Variants in MCTP1 observed in about 807,000 individuals in gnomAD.
MCTP1 encodes multiple C2 and transmembrane domain containing 1, also known as multiple C2 and transmembrane domain-containing protein 1.
In MCTP1, 69 loss-of-function variants were observed where a neutral mutation model predicts 120.6. That is an observed-to-expected ratio of 0.57 (90% confidence interval 0.47 to 0.70). The LOEUF is 0.70. Ranked by LOEUF, MCTP1 falls within the 30% of genes least tolerant of loss-of-function variation. The pLI is 0.00. For synonymous variants in MCTP1, 529 were observed against 493.1 expected, an observed-to-expected ratio of 1.07 and a Z score of -0.96; for missense variants, 1,203 against 1,248.8, an observed-to-expected ratio of 0.96 and a Z score of 0.55.
At chr5:94,763,107 T>C (rs1771716354) in intron 19 of MCTP1, among the ~76,000 whole-genome samples, 1 of 152,242 alleles carries the variant, frequency 6.6e-6, no homozygotes, top group Non-Finnish European at 1.5e-5. Flanking sequence ...TCATTTTTAC[T>C]GTTAAGTTAA....
chr5:95,154,452 A>G (rs1438526953), intron 1 of MCTP1, among the ~76,000 whole-genome samples: 1 of 152,230 alleles, frequency 6.6e-6, no homozygotes, highest in East Asian at 1.9e-4. Flanking sequence ...GAATAGAATG[A>G]GATGAACTAT....
At chr5:95,161,372 T>TA (rs200435659) in intron 1 of MCTP1, among the ~76,000 whole-genome samples, 1,777 of 152,160 alleles carry the variant, frequency 0.012, 30 homozygotes, top group African/African-American at 0.04. Context: ...ATCTCACTCA[T>TA]ACGTAGAATT....
chr5:95,226,219 C>A (rs1754246794), intron 1 of MCTP1, among the ~76,000 whole-genome samples: 1 of 152,002 alleles, frequency 6.6e-6, no homozygotes, highest in Non-Finnish European at 1.5e-5. Context: ...ATAATCTGGA[C>A]CCAAGGATAT....
chr5:95,203,287 C>T (rs1344249186), intron 1 of MCTP1, among the ~76,000 whole-genome samples: 2 of 152,142 alleles, frequency 1.3e-5, no homozygotes, highest in Admixed American at 1.3e-4. Flanking sequence ...TTTTCCATTC[C>T]TGTGCTATGT....
rs1201772992 is a variant in MCTP1, at chr5:95,061,419, T to G, written c.721-43935A>C. Among the ~76,000 whole-genome samples, 47 of 19,058 alleles carry G rather than the reference T, an allele frequency of 2.5e-3. 9 individuals carry two copies. The highest frequency in any genetic ancestry group is 2.6e-3 in the Admixed American group (3 of 1,150). The allele number at this position is 19,058 out of a possible 152,430, so 12.5% of individuals were successfully genotyped here. A position where few individuals can be genotyped will look rare whatever the true frequency, so the allele number is the denominator to read the frequency against. ...CAAACCCCTTAAGGGTTTTTTTTTT[T>G]TTTTTTTTTTTTTTTTTTTTTTTTT... On this transcript the variant is annotated intron_variant, in intron 1 of 22. Coordinates refer to ENST00000515393, the MANE Select transcript of MCTP1 (RefSeq NM_024717.7).
intron 1 of MCTP1, among the ~76,000 whole-genome samples, chr5:95,127,293 T>TG (rs1476494586): frequency 1.3e-5 from 2 of 152,020 alleles, no homozygotes; most frequent in African/African-American, 2.4e-5. Context: ...ACCAGTATTT[T>TG]GGGGGTATAT....
intron 2 of MCTP1, among the ~76,000 whole-genome samples, chr5:94,954,812 G>A (rs1822144491): frequency 6.6e-6 from 1 of 152,148 alleles, no homozygotes; most frequent in Admixed American, 6.5e-5. Flanking sequence ...TTGCTCAGAA[G>A]TTTCAATTTT....
At chr5:95,190,573 C>T (rs1440393718) in intron 1 of MCTP1, among the ~76,000 whole-genome samples, 2 of 151,934 alleles carry the variant, frequency 1.3e-5, no homozygotes, top group Non-Finnish European at 2.9e-5. Flanking sequence ...CAATCTGGAA[C>T]CCAGGAAAGA....
chr5:95,158,848 G>T (rs1745411952), intron 1 of MCTP1, among the ~76,000 whole-genome samples: 2 of 152,038 alleles, frequency 1.3e-5, no homozygotes, highest in Non-Finnish European at 1.5e-5. Flanking sequence ...CTTGAGCCGG[G>T]AGGCAGAGGT....
At chr5:95,252,884 C>A (rs1236820866) in intron 1 of MCTP1, among the ~76,000 whole-genome samples, 1 of 152,120 alleles carries the variant, frequency 6.6e-6, no homozygotes, top group East Asian at 1.9e-4. Flanking sequence ...GTCAATGGAA[C>A]TGATTTAATT....
intron 17 of MCTP1, among the ~76,000 whole-genome samples, chr5:94,823,228 A>G (rs951317690): frequency 6.6e-6 from 1 of 152,138 alleles, no homozygotes; most frequent in Non-Finnish European, 1.5e-5. Flanking sequence ...TTTTTGTATA[A>G]GGTGTAAGGA....
At chr5:94,745,706 G>C (rs1580438751) in intron 19 of MCTP1, among the ~76,000 whole-genome samples, 1 of 152,184 alleles carries the variant, frequency 6.6e-6, no homozygotes, top group South Asian at 2.1e-4. Context: ...ATGTGTTGAA[G>C]AAATAAGTAC....
In MCTP1 at chr5:94,868,455, G is replaced by A. The variant is rs755870792; in HGVS notation, c.2317-3C>T. On this transcript the variant is annotated splice_polypyrimidine_tract_variant and splice_region_variant and intron_variant, in intron 16 of 22. Transcript: ENST00000515393. Reference sequence around the variant, plus strand: ...CTGATAAAGTTTCTTAGTAGCAGCTGTAAGGAAAATGAAAATATTATTATA... The same window carrying A: ...CTGATAAAGTTTCTTAGTAGCAGCTATAAGGAAAATGAAAATATTATTATA... The A allele has an allele frequency of 6.3e-7, 1 of 1,586,508 alleles. No individual in the cohort carries two copies. Among genetic ancestry groups the A allele is most frequent in the Non-Finnish European group, 8.6e-7 (1 of 1,168,128 alleles).
At chr5:94,857,895 A>G (rs1334182168) in intron 17 of MCTP1, among the ~76,000 whole-genome samples, 1 of 151,764 alleles carries the variant, frequency 6.6e-6, no homozygotes, top group Non-Finnish European at 1.5e-5. Flanking sequence ...TTGTAAAGGA[A>G]TATGCTGTTC....
At chr5:95,229,049 G>A (rs1417901077) in intron 1 of MCTP1, among the ~76,000 whole-genome samples, 1 of 152,202 alleles carries the variant, frequency 6.6e-6, no homozygotes, top group Non-Finnish European at 1.5e-5. Flanking sequence ...GGGTGTCATA[G>A]ATGAGCACTT....
Position 94,920,513 on chromosome 5 carries a change from C to A in MCTP1, c.1273-2540G>T, listed in dbSNP as rs989519202. ...ATCCCAGCACTTTGGGAGGCCGAGG[C>A]GGGCAGATCACGAGGTCAGGAGATC... is the stretch of plus-strand genomic sequence containing the variant. On this transcript the variant is annotated intron_variant, in intron 7 of 22. Coordinates refer to ENST00000515393, the MANE Select transcript of MCTP1 (RefSeq NM_024717.7). 2.0e-5 allele frequency among the ~76,000 whole-genome samples: 3 copies of A among 151,788 alleles called. No homozygotes were observed. The East Asian group carries it at 5.8e-4, about 29-fold the overall frequency.
chr5:95,010,888 G>C (rs548047840), intron 2 of MCTP1, among the ~76,000 whole-genome samples: 2 of 152,142 alleles, frequency 1.3e-5, no homozygotes, highest in African/African-American at 4.8e-5. Context: ...AACACACACT[G>C]TCCAAAAGGT....
chr5:94,803,264 C>T (rs778252229), intron 17 of MCTP1, among the ~76,000 whole-genome samples: 2 of 152,176 alleles, frequency 1.3e-5, no homozygotes, highest in African/African-American at 4.8e-5. Context: ...AATAAGTACA[C>T]ACAACCCCTT....
chr5:95,167,120 T>C (rs1389969267), intron 1 of MCTP1, among the ~76,000 whole-genome samples: 1 of 152,174 alleles, frequency 6.6e-6, no homozygotes, highest in Non-Finnish European at 1.5e-5. Flanking sequence ...TGTCCAAGTG[T>C]TCTGATTGTT....
Sources: allele counts gnomAD v4.1 joint callset (sites outside exome capture counted in the v4.1 genomes callset), GRCh38; gene constraint gnomAD v4.1.1; transcripts MANE v1.5; gene names NCBI Gene and HGNC (gene_info 2026-07-23, HGNC 2026-07-21).